STPG2: variants seen among roughly 807,000 people sequenced by gnomAD.
STPG2 encodes the protein sperm-tail PG-rich repeat-containing protein 2.
STPG2 carries 56 observed loss-of-function variants against 54.2 expected under a neutral mutation model. That is an observed-to-expected ratio of 1.03 (90% CI 0.83 to 1.29). The LOEUF (loss-of-function observed/expected upper bound fraction) is 1.29. Among genes scored for constraint, STPG2 ranks in the 50% most tolerant of loss-of-function variants. STPG2 has a pLI of 0.00. For missense variants in STPG2, 596 were observed against 544.9 expected, an observed-to-expected ratio of 1.09 and a Z score of -0.93; for synonymous variants, 200 against 181.8, an observed-to-expected ratio of 1.10 and a Z score of -0.81.
intron 7 of STPG2, among the ~76,000 whole-genome samples, chr4:97,959,790 C>T (rs2149247088): frequency 6.6e-6 from 1 of 152,070 alleles, no homozygotes; most frequent in East Asian, 1.9e-4. Flanking sequence ...TGGTACCAAT[C>T]CTTTTGACAC....
rs1477364692 is a variant in STPG2, at chr4:97,990,650, C to T, written c.613-9332G>A. 5.3e-5 allele frequency among the ~76,000 whole-genome samples: 8 copies of T among 152,130 alleles called. No individual in the cohort carries two copies. The East Asian group carries it at 1.5e-3, about 29-fold the overall frequency. ...GGCACAAAATGAATCACTACCATAGCATCTTTTAGTAATCACATCTATTCT... is the reference window on the plus strand; with the variant it reads ...GGCACAAAATGAATCACTACCATAGTATCTTTTAGTAATCACATCTATTCT... On this transcript the variant is annotated intron_variant, in intron 5 of 10. Transcript: ENST00000295268.
intron 10 of STPG2, among the ~76,000 whole-genome samples, chr4:97,636,923 A>G (rs911808609): frequency 4.0e-5 from 6 of 151,886 alleles, no homozygotes; most frequent in Non-Finnish European, 5.9e-5. Context: ...ATAAGGAGGA[A>G]CCGGTACCAT....
At chr4:97,908,606 G>T (rs1278358496) in intron 8 of STPG2, among the ~76,000 whole-genome samples, 2 of 151,828 alleles carry the variant, frequency 1.3e-5, no homozygotes, top group Admixed American at 6.6e-5. Context: ...CAAAGACTTG[G>T]AACCAACCCA....
chr4:97,920,673 C>A (rs948565522), intron 8 of STPG2, among the ~76,000 whole-genome samples: 1 of 150,792 alleles, frequency 6.6e-6, no homozygotes, highest in African/African-American at 2.4e-5. Flanking sequence ...AAATAAAGAA[C>A]CCTGAACAGC....
chr4:98,089,212 T>C (rs77535339), intron 5 of STPG2, among the ~76,000 whole-genome samples: 7,083 of 152,080 alleles, frequency 0.047, 243 homozygotes, highest in Admixed American at 0.13. Context: ...CCTCCCAACC[T>C]TACCCTCTGA....
chr4:97,992,499 T>C (rs1017107731), intron 5 of STPG2, among the ~76,000 whole-genome samples: 1 of 152,228 alleles, frequency 6.6e-6, no homozygotes. Context: ...TTGGTGACTA[T>C]AGCCTTGTAG....
At chr4:97,951,969 G>A (rs1447312366) in intron 7 of STPG2, among the ~76,000 whole-genome samples, 1 of 152,100 alleles carries the variant, frequency 6.6e-6, no homozygotes, top group African/African-American at 2.4e-5. Flanking sequence ...TCAGGGGAAA[G>A]GGTGGGAGCT....
chr4:97,618,556 T>G (rs911338321), intron 10 of STPG2, among the ~76,000 whole-genome samples: 1 of 152,190 alleles, frequency 6.6e-6, no homozygotes, highest in African/African-American at 2.4e-5. Flanking sequence ...TGACAAACCT[T>G]GAATAAATGA....
At chr4:97,508,758 C>T (rs928211757) in intron 4 of STPG2, among the ~76,000 whole-genome samples, 1 of 151,750 alleles carries the variant, frequency 6.6e-6, no homozygotes, top group African/African-American at 2.4e-5. Context: ...CATGAAAATA[C>T]AAAATATAAA....
intron 9 of STPG2, among the ~76,000 whole-genome samples, chr4:97,790,798 A>C (rs1038355879): frequency 6.6e-6 from 1 of 152,120 alleles, no homozygotes; most frequent in Non-Finnish European, 1.5e-5. Context: ...GTCCAGGTTA[A>C]TCGCCCTATT....
intron 5 of STPG2, among the ~76,000 whole-genome samples, chr4:98,045,585 C>T (rs1223928565): frequency 4.6e-5 from 7 of 152,130 alleles, no homozygotes; most frequent in Admixed American, 4.6e-4. Flanking sequence ...CTTATCTCCC[C>T]TTCATTTTAG....
intron 6 of STPG2, among the ~76,000 whole-genome samples, chr4:97,979,575 C>T (rs146899472): frequency 4.5e-4 from 68 of 152,250 alleles, no homozygotes; most frequent in Admixed American, 5.9e-4. Flanking sequence ...CTCATCTGCA[C>T]TTATACCTGA....
intron 7 of STPG2, among the ~76,000 whole-genome samples, chr4:97,944,724 C>T (rs1381248340): frequency 6.6e-6 from 1 of 152,088 alleles, no homozygotes; most frequent in African/African-American, 2.4e-5. Flanking sequence ...CAGAATTTGA[C>T]ACATAGTAGC....
intron 10 of STPG2, among the ~76,000 whole-genome samples, chr4:97,628,488 A>G (rs1721122098): frequency 6.6e-6 from 1 of 152,152 alleles, no homozygotes; most frequent in Non-Finnish European, 1.5e-5. Context: ...TGGAAACTAA[A>G]TACACTCCTA....
intron 9 of STPG2, among the ~76,000 whole-genome samples, chr4:97,734,199 AGAATTTTTAATTATAAAAGGATATT>A (rs894460627): frequency 6.6e-6 from 1 of 152,160 alleles, no homozygotes; most frequent in African/African-American, 2.4e-5. Context: ...TAATTTGTTG[AGAATTTTTAATTATAAAAGGATATT>A]GAATTTTCTC....
intron 9 of STPG2, among the ~76,000 whole-genome samples, chr4:97,828,841 T>A (rs1728346711): frequency 6.6e-6 from 1 of 152,078 alleles, no homozygotes; most frequent in Non-Finnish European, 1.5e-5. Context: ...AGATTCCTCC[T>A]CTCTGAACAG....
chr4:98,008,357 CAAATGAAGGAG>C (rs1485738026), intron 5 of STPG2, among the ~76,000 whole-genome samples: 2 of 151,798 alleles, frequency 1.3e-5, no homozygotes, highest in African/African-American at 4.8e-5. Flanking sequence ...ATAACCTTCA[CAAATGAAGGAG>C]AAAAAAGTCC....
At chr4:97,748,562 G>C (rs562650608) in intron 9 of STPG2, among the ~76,000 whole-genome samples, 29 of 151,560 alleles carry the variant, frequency 1.9e-4, no homozygotes, top group Admixed American at 1.6e-3. Flanking sequence ...AAATGTATCA[G>C]GGACCAACAA....
chr4:97,775,006 GGTTTGTA>G (rs1227034092), intron 9 of STPG2, among the ~76,000 whole-genome samples: 2 of 152,152 alleles, frequency 1.3e-5, no homozygotes, highest in Non-Finnish European at 2.9e-5. Flanking sequence ...CTGACCACTA[GGTTTGTA>G]GTCTTTTAGC....
Sources: allele counts gnomAD v4.1 joint callset (sites outside exome capture counted in the v4.1 genomes callset), GRCh38; gene constraint gnomAD v4.1.1; transcripts MANE v1.5; gene names NCBI Gene and HGNC (gene_info 2026-07-23, HGNC 2026-07-21).